GTF2E2: variants seen among roughly 807,000 people sequenced by gnomAD.
The protein encoded by GTF2E2 is transcription initiation factor IIE subunit beta.
Under a neutral mutation model 40.5 loss-of-function variants are expected in GTF2E2, and 21 were observed. The observed-to-expected ratio is 0.52, with a 90% CI of 0.37 to 0.75. GTF2E2 has a LOEUF of 0.75. GTF2E2 is among the 30% of genes least tolerant of loss of function. The pLI, the probability that GTF2E2 is intolerant of heterozygous loss-of-function variation, is 0.00. For synonymous variants in GTF2E2, 117 were observed against 121.6 expected, an observed-to-expected ratio of 0.96 and a Z score of 0.25; for missense variants, 298 against 338.4, an observed-to-expected ratio of 0.88 and a Z score of 0.94.
At chr8:30,640,139 AACTG>A (rs566178004) in intron 2 of GTF2E2, among the ~76,000 whole-genome samples, 64 of 152,274 alleles carry the variant, frequency 4.2e-4, no homozygotes, top group African/African-American at 1.4e-3. Context: ...TGTTTCACCA[AACTG>A]ACTGGAGACA....
chr8:30,588,463 G>C (rs1050244051), intron 6 of GTF2E2, among the ~76,000 whole-genome samples: 1 of 152,160 alleles, frequency 6.6e-6, no homozygotes, highest in Admixed American at 6.6e-5. Context: ...AAATAAGCCA[G>C]GCACCGAATG....
intron 3 of GTF2E2, among the ~76,000 whole-genome samples, chr8:30,626,933 TA>T (rs1801294903): frequency 1.3e-5 from 2 of 152,176 alleles, no homozygotes; most frequent in African/African-American, 4.8e-5. Flanking sequence ...AATCTCAGAG[TA>T]AAGCTCTTCA....
chr8:30,627,655 T>C (rs954467066), intron 3 of GTF2E2, among the ~76,000 whole-genome samples: 14 of 152,216 alleles, frequency 9.2e-5, no homozygotes, highest in African/African-American at 3.4e-4. Flanking sequence ...CAGCAAGACC[T>C]CATCACTATT....
chr8:30,598,766 T>C, intron 6 of GTF2E2, among the ~76,000 whole-genome samples: 1 of 152,368 alleles, frequency 6.6e-6, no homozygotes, highest in South Asian at 2.1e-4. Context: ...TTAATTACTT[T>C]TTAAAACATG....
chr8:30,621,391 G>C (rs1169368164), intron 3 of GTF2E2, among the ~76,000 whole-genome samples: 1 of 152,030 alleles, frequency 6.6e-6, no homozygotes. Flanking sequence ...CAACTATCAA[G>C]TTGCTAAGGG....
chr8:30,629,230 AT>A (rs763853507), intron 3 of GTF2E2, among the ~76,000 whole-genome samples: 4 of 152,212 alleles, frequency 2.6e-5, no homozygotes, highest in Non-Finnish European at 4.4e-5. Flanking sequence ...ATAGATCCAT[AT>A]TCTTGACCCA....
At chr8:30,589,278 A>G (rs114335403) in intron 6 of GTF2E2, among the ~76,000 whole-genome samples, 1,741 of 152,268 alleles carry the variant, frequency 0.011, 26 homozygotes, top group African/African-American at 0.038. Flanking sequence ...AAGTATTGGC[A>G]TGGTGCAATG....
At chr8:30,636,048 C>A (rs1054115731) in intron 2 of GTF2E2, among the ~76,000 whole-genome samples, 10 of 152,044 alleles carry the variant, frequency 6.6e-5, no homozygotes, top group African/African-American at 2.4e-4. Flanking sequence ...TGAGAAACAC[C>A]CCCCTCTCCT....
chr8:30,586,932 C>T (rs1216143882), intron 6 of GTF2E2, among the ~76,000 whole-genome samples: 1 of 152,120 alleles, frequency 6.6e-6, no homozygotes, highest in Admixed American at 6.6e-5. Flanking sequence ...GAAAACAACA[C>T]AACACTGGTC....
intron 2 of GTF2E2, among the ~76,000 whole-genome samples, chr8:30,639,149 T>C (rs1801718247): frequency 6.6e-6 from 1 of 152,198 alleles, no homozygotes; most frequent in South Asian, 2.1e-4. Flanking sequence ...AAAATTATTT[T>C]TATTTTGCTT....
At chr8:30,640,203 G>A (rs192695398) in intron 2 of GTF2E2, among the ~76,000 whole-genome samples, 3 of 152,222 alleles carry the variant, frequency 2.0e-5, no homozygotes, top group Admixed American at 6.5e-5. Flanking sequence ...ATATTTACAG[G>A]CTATTAGGAT....
chr8:30,603,416 C>A (rs1017885659), intron 6 of GTF2E2, among the ~76,000 whole-genome samples: 6 of 151,280 alleles, frequency 4.0e-5, no homozygotes, highest in Non-Finnish European at 8.9e-5. Flanking sequence ...AAAACAACAA[C>A]AAAAAAATAC....
At chr8:30,629,145 T>C (rs1801366762) in intron 3 of GTF2E2, among the ~76,000 whole-genome samples, 1 of 152,170 alleles carries the variant, frequency 6.6e-6, no homozygotes, top group Non-Finnish European at 1.5e-5. Context: ...GGTTCATATA[T>C]TTTAAAAAAT....
intron 6 of GTF2E2, among the ~76,000 whole-genome samples, chr8:30,590,779 C>T (rs2978283): frequency 9.9e-5 from 15 of 152,098 alleles, no homozygotes; most frequent in Non-Finnish European, 2.1e-4. Context: ...CAACCTCACC[C>T]TCCCAGGTTC....
chr8:30,603,353 G>A (rs1315451424), intron 6 of GTF2E2, among the ~76,000 whole-genome samples: 1 of 152,050 alleles, frequency 6.6e-6, no homozygotes, highest in Admixed American at 6.6e-5. Flanking sequence ...ATGACAGTCA[G>A]AACTGATTCA....
At chr8:30,628,221 C>A (rs918793667) in intron 3 of GTF2E2, among the ~76,000 whole-genome samples, 23 of 152,160 alleles carry the variant, frequency 1.5e-4, no homozygotes, top group African/African-American at 4.8e-4. Context: ...AAGTTGCCTA[C>A]TTTGATCAGG....
At chr8:30,640,922 C>G (rs1368988161) in intron 2 of GTF2E2, among the ~76,000 whole-genome samples, 1 of 152,208 alleles carries the variant, frequency 6.6e-6, no homozygotes, top group African/African-American at 2.4e-5. Flanking sequence ...TCAGGCCAGT[C>G]TTGAACTTAT....
At position 30,614,473 on chromosome 8, in the gene GTF2E2, G is replaced by A. The variant is rs555914396; in HGVS notation, c.366+135C>T. On this transcript the variant is annotated intron_variant, in intron 4 of 7. Coordinates refer to ENST00000355904, the MANE Select transcript of GTF2E2 (RefSeq NM_002095.6). The stretch of plus-strand genomic sequence containing the variant: ...CACATGCCTGTAGTCCCAACTACTC[G>A]GGAGGCTGAGTCAGCAGTGGGCTGA... 73 of 548,228 alleles carry A rather than the reference G, an allele frequency of 1.3e-4. 1 individual carries two copies. The highest frequency in any genetic ancestry group is 1.3e-3 in the Middle Eastern group (3 of 2,332). The allele number at this position is 548,228 out of a possible 1,614,324, so 34.0% of individuals were successfully genotyped here.
In GTF2E2 at chr8:30,578,885, T is replaced by G. The variant is rs1585926507; in HGVS notation, c.*36A>C. On this transcript the variant is annotated 3_prime_UTR_variant, in exon 8 of 8. Transcript: ENST00000355904. ...GCATCAGCAAGAACACTCTTGATTG[T>G]GTATCTGTAACTCTGTTCCAGGGCA... 1.0e-6 allele frequency: 1 copy of G among 986,372 alleles called. No individual in the cohort carries two copies. Among genetic ancestry groups the G allele is most frequent in the Non-Finnish European group, 1.6e-6 (1 of 606,750 alleles). The allele number at this position is 986,372 out of a possible 1,614,324, so 61.1% of individuals were successfully genotyped here.
Sources: gnomAD v4.1 joint callset for allele counts (sites outside exome capture counted in the v4.1 genomes callset) on GRCh38, gnomAD v4.1.1 for gene constraint, MANE v1.5 for transcripts, NCBI Gene and HGNC (gene_info 2026-07-23, HGNC 2026-07-21) for gene names.